Variants in ARL6IP6 observed in about 807,000 individuals in gnomAD.
ARL6IP6 encodes the protein ADP-ribosylation factor-like protein 6-interacting protein 6.
Under a neutral mutation model 21.5 loss-of-function variants are expected in ARL6IP6, and 22 were observed. The ratio of observed to expected loss-of-function variants is 1.02; its 90% CI spans 0.73 to 1.46. The LOEUF (loss-of-function observed/expected upper bound fraction) is 1.46. ARL6IP6 is among the 40% of genes most tolerant of loss of function. The pLI is 0.00. For missense variants in ARL6IP6, 388 were observed against 299.8 expected (o/e 1.29, Z -2.17); for synonymous variants, 164 against 125.3 (o/e 1.31, Z -2.06).
intron 3 of ARL6IP6, among the ~76,000 whole-genome samples, chr2:152,751,904 C>G (rs1401650843): frequency 6.6e-6 from 1 of 152,120 alleles, no homozygotes; most frequent in African/African-American, 2.4e-5. Context: ...AGTGGAATTG[C>G]TGGATTATAT....
In ARL6IP6 at chr2:152,761,550, C is replaced by A. The variant is rs1701844726; in HGVS notation, c.*1710C>A. ...AGTAGACCCTAGATAGAGATATGTA[C>A]ACCCTAGACAGTCATGTGCCATATA... On this transcript the variant is annotated 3_prime_UTR_variant, in exon 4 of 4. Transcript: ENST00000326446. Among the ~76,000 whole-genome samples the A allele has an allele frequency of 1.3e-5, 2 of 152,170 alleles. No homozygotes were observed. The highest frequency in any genetic ancestry group is 4.8e-5 in the African/African-American group (2 of 41,442).
At chr2:152,731,365 A>C (rs1006022129) in intron 2 of ARL6IP6, among the ~76,000 whole-genome samples, 1 of 152,212 alleles carries the variant, frequency 6.6e-6, no homozygotes, top group African/African-American at 2.4e-5. Context: ...AAGATTTACA[A>C]ACAGTCCATT....
At chr2:152,737,724 A>G (rs1327159604) in intron 3 of ARL6IP6, among the ~76,000 whole-genome samples, 1 of 152,120 alleles carries the variant, frequency 6.6e-6, no homozygotes. Context: ...CATGGGGGTA[A>G]CCACCCCCAT....
chr2:152,752,401 C>G (rs1176681966), intron 3 of ARL6IP6, among the ~76,000 whole-genome samples: 2 of 152,194 alleles, frequency 1.3e-5, no homozygotes, highest in Non-Finnish European at 2.9e-5. Context: ...ATGCGTGCCT[C>G]TAGTACCAGG....
chr2:152,726,409 G>A (rs1354384020), intron 2 of ARL6IP6, among the ~76,000 whole-genome samples: 1 of 152,024 alleles, frequency 6.6e-6, no homozygotes, highest in Non-Finnish European at 1.5e-5. Flanking sequence ...AGAGGAGAGA[G>A]CACTTTCCTC....
rs867616255 is a variant in ARL6IP6 at position 152,718,816 on chromosome 2, G to A, written c.192G>A (p.Trp64Ter). ...GGGCGGAGTTCTCGGCTGGGGCGTG[G>A]TCAGAGCCCAGAAAGCGCTCGGTGC... Reference protein sequence around the residue: ...DLRAEFSAGAWSEPRKRSVLP... With the variant: ...DLRAEFSAGA The change falls in exon 1 of 4, where the codon TGG becomes TGA. Residue 64 changes from tryptophan to a stop codon, truncating the protein, a stop_gained. Coordinates refer to ENST00000326446, the MANE Select transcript of ARL6IP6 (RefSeq NM_152522.7). LOFTEE classifies it high-confidence loss of function. The A allele has an allele frequency of 1.9e-6, 3 of 1,608,754 alleles. No individual in the cohort carries two copies. The highest frequency in any genetic ancestry group is 3.3e-4 in the Middle Eastern group (2 of 6,046).
rs1258704034 is a variant in ARL6IP6 at position 152,759,976 on chromosome 2, C to G, written c.*136C>G. On this transcript the variant is annotated 3_prime_UTR_variant, in exon 4 of 4. Transcript: ENST00000326446. ...TAGTTCAGATATTTATCACAATCAT[C>G]CTCATTATGGAAGACCTTTTAAAGC... 9 of 685,838 alleles carry G rather than the reference C, an allele frequency of 1.3e-5. No homozygotes were observed. Among genetic ancestry groups the G allele is most frequent in the Non-Finnish European group, 2.3e-5 (9 of 397,576 alleles). The allele number at this position is 685,838 out of a possible 1,614,324, so 42.5% of individuals were successfully genotyped here. A position where few individuals can be genotyped will look rare whatever the true frequency, so the allele number is the denominator to read the frequency against.
intron 2 of ARL6IP6, 108 bp from the exon 3 acceptor site, chr2:152,734,886 T>G: frequency 8.7e-7 from 1 of 1,152,996 alleles, no homozygotes. Context: ...CAGATCCATA[T>G]AATTTAGAAG....
intron 3 of ARL6IP6, among the ~76,000 whole-genome samples, chr2:152,746,821 CTTTTTT>C (rs61506535): frequency 2.1e-4 from 7 of 33,084 alleles, no homozygotes; most frequent in South Asian, 1.3e-3. Flanking sequence ...TTTATCCTTT[CTTTTTT>C]TTTTTTTTTT....
intron 3 of ARL6IP6, among the ~76,000 whole-genome samples, chr2:152,751,020 A>G (rs1448525667): frequency 1.3e-5 from 2 of 152,192 alleles, no homozygotes; most frequent in Non-Finnish European, 2.9e-5. Flanking sequence ...AAACATTTCT[A>G]TGATGTTGCC....
At chr2:152,723,766 A>C (rs1422725280) in intron 2 of ARL6IP6, among the ~76,000 whole-genome samples, 1 of 151,592 alleles carries the variant, frequency 6.6e-6, no homozygotes, top group African/African-American at 2.4e-5. Context: ...TGTTTTGGCC[A>C]TCATGATTTC....
intron 3 of ARL6IP6, among the ~76,000 whole-genome samples, chr2:152,754,315 T>C (rs1159573635): frequency 2.7e-5 from 3 of 110,636 alleles, no homozygotes; most frequent in Non-Finnish European, 6.4e-5. Flanking sequence ...ATCGTACAGA[T>C]TTTTTTTTAA....
Position 152,761,222 on chromosome 2 carries a change from A to T in ARL6IP6, c.*1382A>T, listed in dbSNP as rs1701829867. On this transcript the variant is annotated 3_prime_UTR_variant, in exon 4 of 4. Coordinates refer to ENST00000326446, the MANE Select transcript of ARL6IP6 (RefSeq NM_152522.7). ...AAAACTCTTTGGTTGGAAATGACTA[A>T]TACTGCTCCAATTTAAATTATCTGA... is the stretch of plus-strand genomic sequence containing the variant. 1 of 152,070 alleles carries T rather than the reference A, an allele frequency of 6.6e-6. No individual in the cohort carries two copies. The highest frequency in any genetic ancestry group is 2.4e-5 in the African/African-American group (1 of 41,442). 9.4% of individuals were successfully genotyped at this position (152,070 alleles called of 1,614,324 possible).
chr2:152,754,300 A>G (rs950715717), intron 3 of ARL6IP6, among the ~76,000 whole-genome samples: 2 of 150,350 alleles, frequency 1.3e-5, no homozygotes, highest in African/African-American at 4.9e-5. Context: ...TTTCATATAA[A>G]TGGAATCGTA....
intron 3 of ARL6IP6, among the ~76,000 whole-genome samples, chr2:152,749,360 A>C (rs1053116291): frequency 6.6e-6 from 1 of 151,494 alleles, no homozygotes; most frequent in African/African-American, 2.4e-5. Flanking sequence ...AGAGACCTTT[A>C]ATTCTCCCAT....
chr2:152,730,484 G>A (rs1229258783), intron 2 of ARL6IP6, among the ~76,000 whole-genome samples: 3 of 151,928 alleles, frequency 2.0e-5, no homozygotes, highest in African/African-American at 7.3e-5. Flanking sequence ...GCAAATAACA[G>A]CTATTTGGCA....
At chr2:152,759,331 T>A (rs1701726156) in intron 3 of ARL6IP6, among the ~76,000 whole-genome samples, 1 of 152,140 alleles carries the variant, frequency 6.6e-6, no homozygotes, top group South Asian at 2.1e-4. Context: ...ATACTTGAAA[T>A]AATATGTATT....
chr2:152,759,540 A>T (rs1701734787), intron 3 of ARL6IP6, among the ~76,000 whole-genome samples: 1 of 152,196 alleles, frequency 6.6e-6, no homozygotes, highest in African/African-American at 2.4e-5. Context: ...TGTAATTGTT[A>T]ACCAGTACAG....
At chr2:152,744,568 A>C (rs1204742497) in intron 3 of ARL6IP6, among the ~76,000 whole-genome samples, 2 of 152,112 alleles carry the variant, frequency 1.3e-5, no homozygotes, top group Non-Finnish European at 2.9e-5. Flanking sequence ...TTTTTTCACA[A>C]ATGCCTGCTA....
Sources: gnomAD v4.1 joint callset for allele counts (sites outside exome capture counted in the v4.1 genomes callset) on GRCh38, gnomAD v4.1.1 for gene constraint, MANE v1.5 for transcripts, NCBI Gene and HGNC (gene_info 2026-07-23, HGNC 2026-07-21) for gene names.